SOX5: variants seen among roughly 807,000 people sequenced by gnomAD.
The protein encoded by SOX5 is SRY-box transcription factor 5.
SOX5 carries 9 observed loss-of-function variants against 92.0 expected under a neutral mutation model. That is an observed-to-expected ratio of 0.10 (90% confidence interval 0.06 to 0.17). The LOEUF (loss-of-function observed/expected upper bound fraction) is 0.17, where lower values mean the gene tolerates loss of function less well. Among genes scored for constraint, SOX5 ranks in the 10% least tolerant of loss-of-function variants. SOX5 has a pLI of 1.00. For missense variants in SOX5, 642 were observed against 944.5 expected (o/e 0.68, Z 4.20); for synonymous variants, 344 against 336.3 (o/e 1.02, Z -0.25).
At chr12:24,298,608 T>A (rs924059922) in intron 2 of SOX5, among the ~76,000 whole-genome samples, 1 of 152,160 alleles carries the variant, frequency 6.6e-6, no homozygotes, top group South Asian at 2.1e-4. Context: ...TGTTAATATG[T>A]ACTAATAGAA....
rs146204422 is a variant in SOX5 at position 24,516,136 on chromosome 12, G to A, written c.-251+46193C>T. On this transcript the variant is annotated intron_variant, in intron 1 of 4. Transcript: ENST00000446891. ...TAGCTCACTGCAGCCTCAACCTTCC[G>A]GGCTAAAGCGATCCTCCCACCTCAA... Among the ~76,000 whole-genome samples the A allele has an allele frequency of 4.8e-3, 722 of 151,314 alleles. 7 individuals are homozygous for A. Among genetic ancestry groups the A allele is most frequent in the Middle Eastern group, 0.041 (12 of 294 alleles).
At chr12:23,833,732 A>G (rs1034994847) in intron 3 of SOX5, among the ~76,000 whole-genome samples, 5 of 152,056 alleles carry the variant, frequency 3.3e-5, no homozygotes, top group Non-Finnish European at 7.4e-5. Flanking sequence ...AAAAGAAATG[A>G]TCTTACAATT....
chr12:24,506,418 A>AGAG (rs1555328066), intron 1 of SOX5, among the ~76,000 whole-genome samples: 3,548 of 146,826 alleles, frequency 0.024, 140 homozygotes, highest in African/African-American at 0.082. Flanking sequence ...AAAAAAAAAA[A>AGAG]AGAGAGAGAG....
At chr12:24,435,810 G>A (rs189124917) in intron 1 of SOX5, among the ~76,000 whole-genome samples, 47 of 152,142 alleles carry the variant, frequency 3.1e-4, no homozygotes, top group Middle Eastern at 3.4e-3. Flanking sequence ...ACAACTCTGC[G>A]TCAAACAAAT....
chr12:23,755,459 C>G (rs11836235), intron 4 of SOX5, among the ~76,000 whole-genome samples, 179 bp downstream of exon 4: 3,675 of 151,592 alleles, frequency 0.024, 123 homozygotes, highest in African/African-American at 0.077. Context: ...AAGGCACAAA[C>G]AAAGAAAGAA....
At chr12:23,804,954 T>A (rs1190245554) in intron 3 of SOX5, among the ~76,000 whole-genome samples, 1 of 12,784 alleles carries the variant, frequency 7.8e-5, no homozygotes, top group Non-Finnish European at 1.7e-4. Context: ...TATATATATA[T>A]ATATATATAT....
At chr12:23,800,885 G>C (rs907129055) in intron 3 of SOX5, among the ~76,000 whole-genome samples, 34 of 152,094 alleles carry the variant, frequency 2.2e-4, no homozygotes, top group African/African-American at 8.0e-4. Flanking sequence ...GATTGCAATA[G>C]GAAATTAGAT....
chr12:24,352,359 C>T (rs1171515195), intron 2 of SOX5, among the ~76,000 whole-genome samples: 1 of 151,990 alleles, frequency 6.6e-6, no homozygotes, highest in Non-Finnish European at 1.5e-5. Flanking sequence ...CAAAGCAATC[C>T]TCAAATGGCT....
chr12:24,377,791 G>A (rs1486872525), intron 1 of SOX5, among the ~76,000 whole-genome samples: 4 of 152,172 alleles, frequency 2.6e-5, no homozygotes, highest in Non-Finnish European at 5.9e-5. Context: ...TGGTTGTTGG[G>A]ATCCTCACAT....
At chr12:23,743,903 A>G (rs939233834) in intron 4 of SOX5, among the ~76,000 whole-genome samples, 7 of 152,220 alleles carry the variant, frequency 4.6e-5, no homozygotes, top group Admixed American at 2.6e-4. Flanking sequence ...GAGAATTAAC[A>G]AATATCATTT....
intron 1 of SOX5, among the ~76,000 whole-genome samples, chr12:24,386,684 G>A (rs1958451693): frequency 6.6e-6 from 1 of 152,076 alleles, no homozygotes; most frequent in African/African-American, 2.4e-5. Context: ...GATCCATACA[G>A]TATATCAACA....
At chr12:24,293,921 GAAAT>G (rs751456645) in intron 2 of SOX5, among the ~76,000 whole-genome samples, 5 of 152,134 alleles carry the variant, frequency 3.3e-5, no homozygotes, top group East Asian at 3.8e-4. Flanking sequence ...TGTATCTAGT[GAAAT>G]AAATCAACTT....
At chr12:23,644,003 G>A (rs2080490894) in intron 7 of SOX5, among the ~76,000 whole-genome samples, 1 of 152,088 alleles carries the variant, frequency 6.6e-6, no homozygotes, top group Non-Finnish European at 1.5e-5. Context: ...CCCACTCCCT[G>A]GTATTTATGT....
chr12:24,201,683 G>A (rs546168254), intron 4 of SOX5, among the ~76,000 whole-genome samples: 16 of 152,192 alleles, frequency 1.1e-4, no homozygotes, highest in Admixed American at 4.6e-4. Context: ...CTTTAATGTT[G>A]TCACAGAGTA....
intron 13 of SOX5, among the ~76,000 whole-genome samples, chr12:23,541,282 T>A (rs1049477312): frequency 5.9e-5 from 9 of 152,302 alleles, no homozygotes; most frequent in African/African-American, 1.9e-4. Flanking sequence ...TAATTAATGA[T>A]TATCACCTTT....
intron 1 of SOX5, among the ~76,000 whole-genome samples, chr12:23,903,589 A>G (rs1055988083): frequency 2.0e-5 from 3 of 152,202 alleles, no homozygotes; most frequent in Admixed American, 6.5e-5. Flanking sequence ...TCTCAAAAAA[A>G]ACTCTTTTAA....
At chr12:23,877,619 C>A (rs1339977548) in intron 2 of SOX5, among the ~76,000 whole-genome samples, 1 of 152,026 alleles carries the variant, frequency 6.6e-6, no homozygotes, top group Non-Finnish European at 1.5e-5. Flanking sequence ...GGAAAACATG[C>A]AAGATTAAAC....
At chr12:24,438,895 T>C (rs1939978822) in intron 1 of SOX5, among the ~76,000 whole-genome samples, 1 of 152,232 alleles carries the variant, frequency 6.6e-6, no homozygotes. Context: ...TAGAATAACT[T>C]AGTTGATAAA....
At position 23,979,707 on chromosome 12, in the gene SOX5, G is replaced by GTTTTT. The variant is rs1177945407; in HGVS notation, c.-1-83688_-1-83684dup. On this transcript the variant is annotated intron_variant, in intron 4 of 4. Coordinates refer to the SOX5 transcript ENST00000446891. The stretch of plus-strand genomic sequence containing the variant: ...CCATATATATATATATGTTTTTTTT[G>GTTTTT]TTTTTTTTTTTTTTTTTTTTTTTTT... Among the ~76,000 whole-genome samples the GTTTTT allele has an allele frequency of 3.9e-5, 3 of 77,470 alleles. 1 individual carries two copies. Among genetic ancestry groups the GTTTTT allele is most frequent in the Non-Finnish European group, 6.7e-5 (3 of 44,510 alleles). 50.8% of individuals were successfully genotyped at this position (77,470 alleles called of 152,430 possible).
Sources: gnomAD v4.1 joint callset for allele counts (sites outside exome capture counted in the v4.1 genomes callset) on GRCh38, gnomAD v4.1.1 for gene constraint, MANE v1.5 for transcripts, NCBI Gene and HGNC (gene_info 2026-07-23, HGNC 2026-07-21) for gene names.